DGKB: variants seen among roughly 807,000 people sequenced by gnomAD.
The protein encoded by DGKB is 90 kDa diacylglycerol kinase.
A neutral mutation model predicts 114.3 loss-of-function variants in DGKB; 67 were observed. The observed-to-expected ratio is 0.59, with a 90% CI of 0.48 to 0.72. DGKB has a LOEUF of 0.72. Ranked by LOEUF, DGKB falls within the 30% of genes least tolerant of loss-of-function variation. The pLI is 0.00. For synonymous variants in DGKB, 398 were observed against 323.1 expected (o/e 1.23, Z -2.49); for missense variants, 907 against 975.2 (o/e 0.93, Z 0.93).
intron 23 of DGKB, among the ~76,000 whole-genome samples, chr7:14,228,776 C>T (rs1469023452): frequency 1.3e-5 from 2 of 151,960 alleles, no homozygotes; most frequent in East Asian, 1.9e-4. Flanking sequence ...TTGCTCTGGA[C>T]ATATTAAAAC....
chr7:14,327,562 A>G (rs928398331), intron 23 of DGKB, among the ~76,000 whole-genome samples: 8 of 152,244 alleles, frequency 5.3e-5, no homozygotes, highest in African/African-American at 1.9e-4. Context: ...ACTTCATTGC[A>G]TATCTCTGAG....
intron 5 of DGKB, among the ~76,000 whole-genome samples, chr7:14,723,788 G>A (rs1266090233): frequency 6.6e-6 from 1 of 152,028 alleles, no homozygotes; most frequent in African/African-American, 2.4e-5. Flanking sequence ...CAAAGCTTTA[G>A]TTATAAAAAG....
chr7:14,453,890 C>T (rs934840132), intron 21 of DGKB, among the ~76,000 whole-genome samples: 3 of 152,124 alleles, frequency 2.0e-5, no homozygotes, highest in Non-Finnish European at 4.4e-5. Flanking sequence ...AGTTTGCTGA[C>T]CCCTGATCTG....
chr7:14,956,251 C>A (rs1274223382), intron 1 of DGKB, among the ~76,000 whole-genome samples: 1 of 151,800 alleles, frequency 6.6e-6, no homozygotes, highest in African/African-American at 2.4e-5. Flanking sequence ...ATTTCAAATG[C>A]AGTGCATTTG....
intron 21 of DGKB, among the ~76,000 whole-genome samples, chr7:14,427,444 A>G (rs1412856810): frequency 3.3e-5 from 5 of 151,714 alleles, no homozygotes. Context: ...AACCGTTCCA[A>G]CCTCTGCCCA....
At chr7:14,919,082 ACACACACACACAAAC>A (rs1784384854) in intron 1 of DGKB, among the ~76,000 whole-genome samples, 2 of 130,946 alleles carry the variant, frequency 1.5e-5, no homozygotes, top group Admixed American at 8.0e-5. Context: ...ACACACACAC[ACACACACACACAAAC>A]ACACACACAC....
chr7:14,690,861 G>C (rs1468077837), intron 9 of DGKB, among the ~76,000 whole-genome samples: 1 of 152,194 alleles, frequency 6.6e-6, no homozygotes, highest in Non-Finnish European at 1.5e-5. Flanking sequence ...GAATGAATAA[G>C]TCTCAGGTAT....
chr7:14,747,418 C>T (rs1833462774), intron 4 of DGKB, among the ~76,000 whole-genome samples: 1 of 151,674 alleles, frequency 6.6e-6, no homozygotes. Flanking sequence ...AATGTTTCTT[C>T]AATGTGTTTC....
intron 17 of DGKB, among the ~76,000 whole-genome samples, chr7:14,603,381 C>A (rs541350906): frequency 1.3e-5 from 2 of 152,010 alleles, no homozygotes; most frequent in South Asian, 2.1e-4. Flanking sequence ...ATTTCCTTAG[C>A]CTTTTGAGGA....
chr7:14,313,686 G>A (rs1805870176), intron 23 of DGKB, among the ~76,000 whole-genome samples: 1 of 152,096 alleles, frequency 6.6e-6, no homozygotes, highest in South Asian at 2.1e-4. Flanking sequence ...AAACTGCAAG[G>A]CGGCAGCGAG....
At chr7:14,629,350 T>C (rs185105666) in intron 14 of DGKB, among the ~76,000 whole-genome samples, 1 of 152,122 alleles carries the variant, frequency 6.6e-6, no homozygotes, top group East Asian at 1.9e-4. Context: ...TTTGAGTATG[T>C]CTCTGGTTAA....
At chr7:14,645,330 G>A (rs1003633685) in intron 13 of DGKB, among the ~76,000 whole-genome samples, 21 of 152,128 alleles carry the variant, frequency 1.4e-4, no homozygotes, top group African/African-American at 4.8e-4. Flanking sequence ...TCCTTGAACT[G>A]CAGGAGCAAA....
chr7:14,439,409 C>T (rs1829743714), intron 21 of DGKB, among the ~76,000 whole-genome samples: 2 of 152,100 alleles, frequency 1.3e-5, no homozygotes, highest in African/African-American at 2.4e-5. Flanking sequence ...GTTCTCTTCA[C>T]CCCTTGATGA....
At chr7:14,164,098 G>A (rs1392631185) in intron 25 of DGKB, among the ~76,000 whole-genome samples, 1 of 151,912 alleles carries the variant, frequency 6.6e-6, no homozygotes, top group Non-Finnish European at 1.5e-5. Context: ...GATATCTATA[G>A]TATTTAAATA....
intron 13 of DGKB, among the ~76,000 whole-genome samples, chr7:14,633,772 T>C (rs796747313): frequency 3.3e-5 from 5 of 151,932 alleles, no homozygotes; most frequent in African/African-American, 1.2e-4. Flanking sequence ...AGGAATGTGA[T>C]TGATTTTATT....
intron 2 of DGKB, among the ~76,000 whole-genome samples, chr7:14,776,903 C>A (rs1838286010): frequency 6.6e-6 from 1 of 152,272 alleles, no homozygotes; most frequent in South Asian, 2.1e-4. Flanking sequence ...GGAAAAGCCA[C>A]AGACACTCAA....
At chr7:14,951,213 C>T (rs73288908) in intron 1 of DGKB, among the ~76,000 whole-genome samples, 4,465 of 151,954 alleles carry the variant, frequency 0.029, 213 homozygotes, top group African/African-American at 0.1. Flanking sequence ...CTGCTGTTTC[C>T]ACTTCTACTC....
At chr7:14,372,537 A>G (rs921264027) in intron 21 of DGKB, among the ~76,000 whole-genome samples, 22 of 152,270 alleles carry the variant, frequency 1.4e-4, no homozygotes, top group Non-Finnish European at 2.9e-4. Context: ...ATGGCAAAGT[A>G]CCACCTTGAT....
intron 23 of DGKB, among the ~76,000 whole-genome samples, chr7:14,255,941 T>TC (rs11396716): frequency 0.28 from 42,646 of 152,042 alleles, 6,074 homozygotes; most frequent in Non-Finnish European, 0.32. Flanking sequence ...CATATTTCTG[T>TC]CCTATATTCT....
Sources: allele counts gnomAD v4.1 joint callset (sites outside exome capture counted in the v4.1 genomes callset), GRCh38; gene constraint gnomAD v4.1.1; transcripts MANE v1.5; gene names NCBI Gene and HGNC (gene_info 2026-07-23, HGNC 2026-07-21).